The following SNX33 variants were observed in gnomAD, a reference collection of about 807,000 sequenced individuals.
The protein encoded by SNX33 is sorting nexin-33.
Under a neutral mutation model 38.8 loss-of-function variants are expected in SNX33, and 19 were observed. The ratio of observed to expected loss-of-function variants is 0.49; its 90% CI spans 0.34 to 0.72. The LOEUF (loss-of-function observed/expected upper bound fraction) is 0.72. Among genes scored for constraint, SNX33 ranks in the 30% least tolerant of loss-of-function variants. The pLI is 0.01. For missense variants in SNX33, 641 were observed against 776.4 expected (o/e 0.83, Z 2.07); for synonymous variants, 246 against 289.7 (o/e 0.85, Z 1.53).
At chr15:75,653,106 G>A (rs1236160707) in intron 1 of SNX33, among the ~76,000 whole-genome samples, 3 of 152,190 alleles carry the variant, frequency 2.0e-5, no homozygotes, top group Non-Finnish European at 4.4e-5. Context: ...AATGGGACCC[G>A]AGGGTCTTCA....
rs1261815558 is a variant in SNX33 at position 75,650,242 on chromosome 15, T to C, written c.1140T>C (p.Thr380=). The change falls in exon 1 of 2, where the codon ACT becomes ACC. Residue 380 remains threonine (T), a synonymous_variant. Transcript: ENST00000308527. This position sits in a 1 kb window ranked among gnomAD's most constrained non-coding sequence, Gnocchi z 6.1. ...AGGACGTGGAAGATCGCGTGGACAC[T>C]TTCAAGGCCTTCAGTAAGAAGATGG... ...DLQDVEDRVD[T]FKAFSKKMDD... is the part of the protein sequence containing the mutation. The C allele has an allele frequency of 1.3e-6, 2 of 1,587,476 alleles. No homozygotes were observed. Among genetic ancestry groups the C allele is most frequent in the Non-Finnish European group, 1.7e-6 (2 of 1,165,020 alleles).
Position 75,649,955 on chromosome 15 carries a change from T to C in SNX33, c.853T>C (p.Ser285Pro). ...NRLLHKFTVI[S>P]VPHLPEKQAT... The stretch of plus-strand genomic sequence containing the variant: ...CCTGCTACACAAGTTCACTGTCATC[T>C]CGGTGCCCCACCTGCCTGAGAAGCA... Residue 285 changes from serine (S) to proline (P), a missense_variant, in exon 1 of 2, where the codon TCG (serine) becomes CCG (proline). Coordinates refer to ENST00000308527, the MANE Select transcript of SNX33 (RefSeq NM_153271.2). The surrounding 1 kb of genome is among the most constrained non-coding windows in gnomAD (Gnocchi z 6.6). 1 of 1,604,958 alleles carries C rather than the reference T, an allele frequency of 6.2e-7. No individual in the cohort carries two copies.
chr15:75,648,950 A>C lies in SNX33; in HGVS notation c.-153A>C. On this transcript the variant is annotated 5_prime_UTR_variant, in exon 1 of 2. Transcript: ENST00000308527. This position sits in a 1 kb window ranked among gnomAD's most constrained non-coding sequence, Gnocchi z 4.4. The stretch of plus-strand genomic sequence containing the variant: ...TTTGAAGAGGGGGAGACTGGACAGC[A>C]TCTGTGGGTGCTGAGACCCCACCTT... 2 of 897,432 alleles carry C rather than the reference A, an allele frequency of 2.2e-6. No homozygotes were observed. Among genetic ancestry groups the C allele is most frequent in the Non-Finnish European group, 3.2e-6 (2 of 616,044 alleles). 55.6% of individuals were successfully genotyped at this position (897,432 alleles called of 1,614,324 possible).
Position 75,650,585 on chromosome 15 carries a change from T to C in SNX33, c.1471+12T>C. ...CCATCTACAAAAAGGTAAGGCCCAG[T>C]GCAGGCAGGAAACTCGTCCTGAGTC... On this transcript the variant is annotated intron_variant, in intron 1 of 1. Coordinates refer to ENST00000308527, the MANE Select transcript of SNX33 (RefSeq NM_153271.2). This position sits in a 1 kb window ranked among gnomAD's most constrained non-coding sequence, Gnocchi z 6.1. 2 of 1,570,816 alleles carry C rather than the reference T, an allele frequency of 1.3e-6. No homozygotes were observed. The highest frequency in any genetic ancestry group is 2.4e-5 in the South Asian group (2 of 83,630).
chr15:75,657,288 A>C lies in SNX33; in HGVS notation c.*73A>C. 6.3e-7 allele frequency: 1 copy of C among 1,584,596 alleles called. No homozygotes were observed. The highest frequency in any genetic ancestry group is 8.6e-7 in the Non-Finnish European group (1 of 1,162,996). On this transcript the variant is annotated 3_prime_UTR_variant, in exon 2 of 2. Transcript: ENST00000308527. The surrounding 1 kb of genome is among the most constrained non-coding windows in gnomAD (Gnocchi z 5.5). ...TGTACCCCACTTTCCCGACCTCCCT[A>C]TACCAGCAGTGACTGGGGGAGGGGT... is the stretch of plus-strand genomic sequence containing the variant.
rs1893522888 is a variant in SNX33 at position 75,648,276 on chromosome 15, G to C, written c.-827G>C. On this transcript the variant is annotated 5_prime_UTR_variant, in exon 1 of 2. Transcript: ENST00000308527. The surrounding 1 kb of genome is among the most constrained non-coding windows in gnomAD (Gnocchi z 4.4). The stretch of plus-strand genomic sequence containing the variant: ...AAAGAGACCACTCAGCGAGTGGCTA[G>C]AAGTCGCCCGACAGCCTCGTCGCGC... The C allele has an allele frequency of 1.0e-6, 1 of 985,246 alleles. No individual in the cohort carries two copies. Among genetic ancestry groups the C allele is most frequent in the Non-Finnish European group, 1.2e-6 (1 of 829,926 alleles). 61.0% of individuals were successfully genotyped at this position (985,246 alleles called of 1,614,324 possible). A position where few individuals can be genotyped will look rare whatever the true frequency, so the allele number is the denominator to read the frequency against.
In SNX33 at chr15:75,649,738, C is replaced by A; in HGVS notation, c.636C>A (p.Tyr212Ter). The change falls in exon 1 of 2, where the codon TAC becomes TAA. Residue 212 changes from tyrosine to a stop codon, truncating the protein, a stop_gained. Transcript: ENST00000308527. LOFTEE classifies it high-confidence loss of function. This position sits in a 1 kb window ranked among gnomAD's most constrained non-coding sequence, Gnocchi z 6.6. ...TGATGGCCAAGATCGCTGAGACATACTCCATTGAAATGGGCCCTCGTGGCC... is the reference window on the plus strand; with the variant it reads ...TGATGGCCAAGATCGCTGAGACATAATCCATTGAAATGGGCCCTCGTGGCC... ...VPMMAKIAET[Y>*]SIEMGPRGPQ... 6.5e-7 allele frequency: 1 copy of A among 1,536,864 alleles called. No homozygotes were observed. Among genetic ancestry groups the A allele is most frequent in the Non-Finnish European group, 8.8e-7 (1 of 1,139,250 alleles).
rs139083526 is a variant in SNX33 at position 75,649,985 on chromosome 15, A to G, written c.883A>G (p.Thr295Ala). ...SVPHLPEKQA[T>A]GRFEEDFIEK... The stretch of plus-strand genomic sequence containing the variant: ...GCCCCACCTGCCTGAGAAGCAGGCC[A>G]CTGGCCGCTTCGAGGAGGACTTCAT... Residue 295 changes from threonine to alanine, a missense_variant, in exon 1 of 2, where the codon ACT (threonine) becomes GCT (alanine). Thr to Ala is a moderately conservative substitution (Grantham distance 58). Coordinates refer to ENST00000308527, the MANE Select transcript of SNX33 (RefSeq NM_153271.2). The surrounding 1 kb of genome is among the most constrained non-coding windows in gnomAD (Gnocchi z 6.6). 9.8e-5 allele frequency: 157 copies of G among 1,603,108 alleles called. No individual in the cohort carries two copies. The highest frequency in any genetic ancestry group is 3.3e-4 in the Middle Eastern group (2 of 6,014).
intron 1 of SNX33, among the ~76,000 whole-genome samples, chr15:75,656,125 C>A (rs747451051): frequency 6.6e-6 from 1 of 152,048 alleles, no homozygotes; most frequent in Non-Finnish European, 1.5e-5. Flanking sequence ...GGGAACAGGG[C>A]GTGCATGTCT....
chr15:75,649,578 G>A lies in SNX33; in HGVS notation c.476G>A (p.Arg159Gln), dbSNP rs781477737. ...TACCCCAGCCAGCACATGGCCTTCC[G>A]GCCCAAGCCACCACTGGAGCGGCAG... ...GAYPSQHMAF[R>Q]PKPPLERQDS... Residue 159 changes from arginine to glutamine, a missense_variant, in exon 1 of 2, where the codon CGG (arginine) becomes CAG (glutamine). By Grantham distance (43) the Arg-to-Gln change is conservative (BLOSUM62 1). Transcript: ENST00000308527. This position sits in a 1 kb window ranked among gnomAD's most constrained non-coding sequence, Gnocchi z 6.6. 40 of 1,613,746 alleles carry A rather than the reference G, an allele frequency of 2.5e-5. 1 individual carries two copies. The South Asian group carries it at 3.7e-4, about 15-fold the overall frequency.
At chr15:75,654,976 A>G (rs1443566670) in intron 1 of SNX33, among the ~76,000 whole-genome samples, 1 of 152,228 alleles carries the variant, frequency 6.6e-6, no homozygotes, top group Non-Finnish European at 1.5e-5. Context: ...AATCCAGGCT[A>G]GTTCAGTATC....
At position 75,649,689 on chromosome 15, in the gene SNX33, C is replaced by G; in HGVS notation, c.587C>G (p.Ala196Gly). 1.3e-6 allele frequency: 2 copies of G among 1,568,356 alleles called. No homozygotes were observed. Among genetic ancestry groups the G allele is most frequent in the Non-Finnish European group, 1.7e-6 (2 of 1,152,918 alleles). The change falls in exon 1 of 2, where the codon GCC becomes GGC. Residue 196 changes from alanine to glycine, a missense_variant. Physicochemically the swap from Ala to Gly is moderately conservative, Grantham distance 60 (BLOSUM62 0). Transcript: ENST00000308527. This position sits in a 1 kb window ranked among gnomAD's most constrained non-coding sequence, Gnocchi z 6.6. ...FSCFVRSGVEAFILGDVPMMA... is the reference protein window; with the variant it reads ...FSCFVRSGVEGFILGDVPMMA... ...TGCTTTGTGCGTTCTGGAGTGGAGG[C>G]CTTCATCCTGGGTGATGTGCCCATG...
In SNX33 at chr15:75,657,279, G is replaced by T; in HGVS notation, c.*64G>T. On this transcript the variant is annotated 3_prime_UTR_variant, in exon 2 of 2. Coordinates refer to ENST00000308527, the MANE Select transcript of SNX33 (RefSeq NM_153271.2). This position sits in a 1 kb window ranked among gnomAD's most constrained non-coding sequence, Gnocchi z 5.5. ...TCACTGCAGTGTACCCCACTTTCCC[G>T]ACCTCCCTATACCAGCAGTGACTGG... 3 of 1,597,128 alleles carry T rather than the reference G, an allele frequency of 1.9e-6. No individual in the cohort carries two copies. The highest frequency in any genetic ancestry group is 2.2e-5 in the South Asian group (2 of 89,070).
Position 75,648,077 on chromosome 15 carries a change from C to T in SNX33, c.-1026C>T, listed in dbSNP as rs1234860798. Reference sequence around the variant, plus strand: ...GCCGCGCCATCTGCTCGCCGGAGCTCACTCTCCAAACTCCAAACTGTTGAG... The same window carrying T: ...GCCGCGCCATCTGCTCGCCGGAGCTTACTCTCCAAACTCCAAACTGTTGAG... On this transcript the variant is annotated 5_prime_UTR_variant, in exon 1 of 2. Coordinates refer to ENST00000308527, the MANE Select transcript of SNX33 (RefSeq NM_153271.2). The surrounding 1 kb of genome is among the most constrained non-coding windows in gnomAD (Gnocchi z 4.4). 8.1e-6 allele frequency: 8 copies of T among 985,462 alleles called. No individual in the cohort carries two copies. The highest frequency in any genetic ancestry group is 9.6e-6 in the Non-Finnish European group (8 of 829,954). 61.0% of individuals were successfully genotyped at this position (985,462 alleles called of 1,614,324 possible). A position where few individuals can be genotyped will look rare whatever the true frequency, so the allele number is the denominator to read the frequency against.
intron 1 of SNX33, among the ~76,000 whole-genome samples, chr15:75,654,426 C>T (rs1893627028): frequency 6.6e-6 from 1 of 152,174 alleles, no homozygotes; most frequent in African/African-American, 2.4e-5. Flanking sequence ...CCTCCTGCTC[C>T]CTCCTGCCCC....
rs1242118870 is a variant in SNX33, at chr15:75,657,365, T to C, written c.*150T>C. On this transcript the variant is annotated 3_prime_UTR_variant, in exon 2 of 2. Coordinates refer to ENST00000308527, the MANE Select transcript of SNX33 (RefSeq NM_153271.2). This position sits in a 1 kb window ranked among gnomAD's most constrained non-coding sequence, Gnocchi z 5.5. ...TCCTGCCTCCTGGGAGAAGGAGCTTTCAAGGAGTCATGGGTGCCCCTGGGA... is the reference window on the plus strand; with the variant it reads ...TCCTGCCTCCTGGGAGAAGGAGCTTCCAAGGAGTCATGGGTGCCCCTGGGA... The C allele has an allele frequency of 1.5e-6, 2 of 1,321,276 alleles. No homozygotes were observed. The highest frequency in any genetic ancestry group is 2.1e-6 in the Non-Finnish European group (2 of 963,984). 81.8% of individuals were successfully genotyped at this position (1,321,276 alleles called of 1,614,324 possible).
chr15:75,661,474 C>G lies in SNX33; in HGVS notation c.*4259C>G, dbSNP rs537195775. The G allele has an allele frequency of 5.9e-5, 9 of 152,198 alleles. No homozygotes were observed. The highest frequency in any genetic ancestry group is 1.9e-4 in the African/African-American group (8 of 41,430). The allele number at this position is 152,198 out of a possible 1,614,324, so 9.4% of individuals were successfully genotyped here. ...GGGGAAAAATCAAACCTCACCACCC[C>G]CCGACATAGCTCAGAAGGGCTGATT... On this transcript the variant is annotated 3_prime_UTR_variant, in exon 2 of 2. Coordinates refer to ENST00000308527, the MANE Select transcript of SNX33 (RefSeq NM_153271.2). The surrounding 1 kb of genome is among the most constrained non-coding windows in gnomAD (Gnocchi z 4.5).
chr15:75,655,984 A>G (rs1893648542), intron 1 of SNX33, among the ~76,000 whole-genome samples: 1 of 152,220 alleles, frequency 6.6e-6, no homozygotes, highest in Non-Finnish European at 1.5e-5. Context: ...ACTGAAATTC[A>G]TTCACCAGCT....
In SNX33 at chr15:75,656,966, C is replaced by G. The variant is rs1893659559; in HGVS notation, c.1476C>G (p.Ala492=). 4 of 1,612,348 alleles carry G rather than the reference C, an allele frequency of 2.5e-6. No homozygotes were observed. The highest frequency in any genetic ancestry group is 3.4e-6 in the Non-Finnish European group (4 of 1,178,794). The change falls in exon 2 of 2, where the codon GCC becomes GCG. Residue 492 remains alanine (A), a synonymous_variant. Transcript: ENST00000308527. ...FPDIIHLQKG[A]FAKVKESQRM... ...CCTCTGCTCTGCCTATGCCAGGCGC[C>G]TTCGCCAAGGTGAAGGAGAGCCAAC...
Sources: gnomAD v4.1 joint callset for allele counts (sites outside exome capture counted in the v4.1 genomes callset) on GRCh38, gnomAD v4.1.1 for gene constraint, Gnocchi (gnomAD v3.1) non-coding constraint, MANE v1.5 for transcripts, NCBI Gene and HGNC (gene_info 2026-07-23, HGNC 2026-07-21) for gene names.